The following PFDN4 variants were observed in gnomAD, a reference collection of about 807,000 sequenced individuals.
PFDN4 encodes the protein prefoldin subunit 4.
PFDN4 carries 6 observed loss-of-function variants against 17.6 expected under a neutral mutation model. The observed-to-expected ratio is 0.34, with a 90% CI of 0.19 to 0.67. The LOEUF (loss-of-function observed/expected upper bound fraction) is 0.67, where lower values mean the gene tolerates loss of function less well. PFDN4 is among the 30% of genes least tolerant of loss of function. PFDN4 has a pLI of 0.68. For missense variants in PFDN4, 119 were observed against 158.4 expected, an observed-to-expected ratio of 0.75 and a Z score of 1.33; for synonymous variants, 48 against 51.1, an observed-to-expected ratio of 0.94 and a Z score of 0.26.
At position 54,214,367 on chromosome 20, in the gene PFDN4, A is replaced by G. The variant is rs772902032; in HGVS notation, c.41A>G (p.Asn14Ser). Reference sequence around the variant, plus strand: ...TTCTTTCAGGCTGCAGAAGATGTCAATGTTACTTTCGAAGATCAACAAAAG... The same window carrying G: ...TTCTTTCAGGCTGCAGAAGATGTCAGTGTTACTTTCGAAGATCAACAAAAG... Reference protein sequence around the residue: ...TMKKAAAEDVNVTFEDQQKIN... With the variant: ...TMKKAAAEDVSVTFEDQQKIN... The change falls in exon 2 of 4, where the codon AAT (asparagine) becomes AGT (serine). Residue 14 changes from asparagine (N) to serine (S), a missense_variant. By Grantham distance (46) the Asn-to-Ser change is conservative (BLOSUM62 1). Transcript: ENST00000371419. 4.1e-5 allele frequency: 65 copies of G among 1,585,988 alleles called. 1 individual carries two copies. The East Asian group carries it at 4.9e-4, about 12-fold the overall frequency.
At chr20:54,211,854 C>CGACCTGTCAATGTCCATT (rs1568675565) in intron 1 of PFDN4, among the ~76,000 whole-genome samples, 1 of 152,096 alleles carries the variant, frequency 6.6e-6, no homozygotes, top group East Asian at 1.9e-4. Context: ...CTGGGTATAT[C>CGACCTGTCAATGTCCATT]GACCTGTCAA....
Position 54,219,581 on chromosome 20 carries a change from C to T in PFDN4, c.*431C>T, listed in dbSNP as rs2092767124. ...ATCCTTGCTTATTTCACAACTAAAG[C>T]TTTGTCATAGACTTCAAAATATATA... is the stretch of plus-strand genomic sequence containing the variant. On this transcript the variant is annotated 3_prime_UTR_variant, in exon 4 of 4. Coordinates refer to ENST00000371419, the MANE Select transcript of PFDN4 (RefSeq NM_002623.4). The T allele has an allele frequency of 5.1e-6, 2 of 393,244 alleles. No individual in the cohort carries two copies. The highest frequency in any genetic ancestry group is 6.5e-4 in the Middle Eastern group (1 of 1,550). The allele number at this position is 393,244 out of a possible 1,614,324, so 24.4% of individuals were successfully genotyped here.
chr20:54,211,418 G>A (rs2092755686), intron 1 of PFDN4, among the ~76,000 whole-genome samples: 1 of 152,158 alleles, frequency 6.6e-6, no homozygotes, highest in Admixed American at 6.5e-5. Flanking sequence ...TCTGTTCTTT[G>A]TAATGATTTT....
In PFDN4 at chr20:54,219,083, C is replaced by G. The variant is rs757251940; in HGVS notation, c.338C>G (p.Ala113Gly). The change falls in exon 4 of 4, where the codon GCA (alanine) becomes GGA (glycine). Residue 113 changes from alanine (A) to glycine (G), a missense_variant. Transcript: ENST00000371419. ...SRVESIQRVLADLKVQLYAKF... is the reference protein window; with the variant it reads ...SRVESIQRVLGDLKVQLYAKF... Reference sequence around the variant, plus strand: ...GTGGAATCAATTCAGCGAGTGTTAGCAGATTTGAAAGTTCAGTTGTATGCA... The same window carrying G: ...GTGGAATCAATTCAGCGAGTGTTAGGAGATTTGAAAGTTCAGTTGTATGCA... 1 of 1,594,404 alleles carries G rather than the reference C, an allele frequency of 6.3e-7. No homozygotes were observed. Among genetic ancestry groups the G allele is most frequent in the East Asian group, 2.3e-5 (1 of 44,088 alleles).
intron 2 of PFDN4, among the ~76,000 whole-genome samples, chr20:54,214,741 TCTTC>T (rs2092760380): frequency 6.6e-6 from 1 of 152,182 alleles, no homozygotes. Flanking sequence ...GAGTCAGCTG[TCTTC>T]CCAATGAGGA....
chr20:54,218,942 C>T (rs2092766190), intron 3 of PFDN4, 77 bp from the exon 4 acceptor site: 2 of 976,728 alleles, frequency 2.0e-6, no homozygotes, highest in African/African-American at 1.7e-5. Context: ...TAAAATTCTT[C>T]CCAAATATTA....
rs576847275 is a variant in PFDN4, at chr20:54,219,655, A to G, written c.*505A>G. On this transcript the variant is annotated 3_prime_UTR_variant, in exon 4 of 4. Coordinates refer to ENST00000371419, the MANE Select transcript of PFDN4 (RefSeq NM_002623.4). Reference sequence around the variant, plus strand: ...TGTTACATATTATATTTAAACATACATATTTAACATTTTTTACATATCTAT... The same window carrying G: ...TGTTACATATTATATTTAAACATACGTATTTAACATTTTTTACATATCTAT... The G allele has an allele frequency of 6.8e-5, 27 of 397,480 alleles. No individual in the cohort carries two copies. In the South Asian group the frequency reaches 1.3e-3, roughly 19 times the overall value. The allele number at this position is 397,480 out of a possible 1,614,324, so 24.6% of individuals were successfully genotyped here.
intron 1 of PFDN4, 131 bp from the exon 2 acceptor site, chr20:54,214,220 A>G (rs933672909): frequency 3.4e-6 from 2 of 596,934 alleles, no homozygotes; most frequent in East Asian, 3.0e-5. Context: ...GGCATTTGTT[A>G]TGTTCTGTAC....
intron 1 of PFDN4, 93 bp downstream of exon 1, chr20:54,208,217 G>T: frequency 1.7e-6 from 2 of 1,199,902 alleles, no homozygotes; most frequent in Non-Finnish European, 1.1e-6. Flanking sequence ...GCGCAGCTCC[G>T]AAGCCCGGCG....
chr20:54,214,353 T>G lies in PFDN4; in HGVS notation c.27T>G (p.Ala9=). Residue 9 remains alanine, a splice_region_variant and synonymous_variant, in exon 2 of 4, where the codon GCT becomes GCG. Coordinates refer to ENST00000371419, the MANE Select transcript of PFDN4 (RefSeq NM_002623.4). ...AAAAACTTAAACACTTCTTTCAGGC[T>G]GCAGAAGATGTCAATGTTACTTTCG... MAATMKKA[A]AEDVNVTFED... The G allele has an allele frequency of 6.4e-7, 1 of 1,552,394 alleles. No individual in the cohort carries two copies. The highest frequency in any genetic ancestry group is 8.8e-7 in the Non-Finnish European group (1 of 1,133,910).
chr20:54,210,983 G>T (rs1397527703), intron 1 of PFDN4, among the ~76,000 whole-genome samples: 1 of 152,176 alleles, frequency 6.6e-6, no homozygotes, highest in Non-Finnish European at 1.5e-5. Flanking sequence ...TACTCGGGAG[G>T]CTGAGGCACG....
chr20:54,214,681 C>A (rs1459375172), intron 2 of PFDN4, among the ~76,000 whole-genome samples: 1 of 152,042 alleles, frequency 6.6e-6, no homozygotes, highest in African/African-American at 2.4e-5. Context: ...AGGAACAAGT[C>A]TCGGAGAACT....
intron 1 of PFDN4, among the ~76,000 whole-genome samples, chr20:54,213,094 A>G (rs1477548885): frequency 3.9e-5 from 6 of 152,212 alleles, no homozygotes; most frequent in African/African-American, 1.4e-4. Context: ...AAGTTCACAT[A>G]CCTTAAGTCG....
chr20:54,217,547 A>G (rs182300662), intron 3 of PFDN4, among the ~76,000 whole-genome samples: 1 of 152,320 alleles, frequency 6.6e-6, no homozygotes, highest in East Asian at 1.9e-4. Flanking sequence ...CATAATTACT[A>G]TGAAAGCAAG....
chr20:54,214,488 A>T (rs779061968), intron 2 of PFDN4, 30 bp downstream of exon 2: 6 of 1,054,144 alleles, frequency 5.7e-6, no homozygotes, highest in Admixed American at 2.4e-5. Flanking sequence ...GAAGAATAAA[A>T]TTTTTTTATA....
intron 3 of PFDN4, among the ~76,000 whole-genome samples, chr20:54,216,173 G>A (rs2092762196): frequency 6.6e-6 from 1 of 152,086 alleles, no homozygotes. Context: ...ATAATTACTG[G>A]GTCAGTCAGC....
At chr20:54,208,241 C>A in intron 1 of PFDN4, 117 bp downstream of exon 1, 1 of 924,156 alleles carries the variant, frequency 1.1e-6, no homozygotes, top group Non-Finnish European at 1.5e-6. Flanking sequence ...GACCCGAGGC[C>A]GAGGCCGAGG....
chr20:54,214,025 A>G (rs2092759408), intron 1 of PFDN4, among the ~76,000 whole-genome samples: 1 of 152,142 alleles, frequency 6.6e-6, no homozygotes, highest in Non-Finnish European at 1.5e-5. Context: ...TCTTAATGAA[A>G]GAATGCTCCA....
chr20:54,211,045 A>G (rs2092755117), intron 1 of PFDN4, among the ~76,000 whole-genome samples: 1 of 152,244 alleles, frequency 6.6e-6, no homozygotes, highest in African/African-American at 2.4e-5. Context: ...AGATCACACC[A>G]CTGCACTCCA....
Sources: gnomAD v4.1 joint callset for allele counts (sites outside exome capture counted in the v4.1 genomes callset) on GRCh38, gnomAD v4.1.1 for gene constraint, MANE v1.5 for transcripts, NCBI Gene and HGNC (gene_info 2026-07-23, HGNC 2026-07-21) for gene names.